Variants in HS6ST3 observed in about 807,000 individuals in gnomAD.
The protein encoded by HS6ST3 is heparan-sulfate 6-O-sulfotransferase 3.
Under a neutral mutation model 36.7 loss-of-function variants are expected in HS6ST3, and 12 were observed. The ratio of observed to expected loss-of-function variants is 0.33; its 90% CI spans 0.21 to 0.53. The LOEUF is 0.53. Ranked by LOEUF, HS6ST3 falls within the 20% of genes least tolerant of loss-of-function variation. The pLI is 0.95. For missense variants in HS6ST3, 584 were observed against 640.9 expected, an observed-to-expected ratio of 0.91 and a Z score of 0.96; for synonymous variants, 240 against 257.5, an observed-to-expected ratio of 0.93 and a Z score of 0.65.
At chr13:96,314,560 C>T (rs1474383968) in intron 1 of HS6ST3, among the ~76,000 whole-genome samples, 1 of 152,046 alleles carries the variant, frequency 6.6e-6, no homozygotes, top group Non-Finnish European at 1.5e-5. Context: ...ATAAAGCAGT[C>T]TATATGTCTT....
intron 1 of HS6ST3, among the ~76,000 whole-genome samples, chr13:96,770,881 A>G (rs189511111): frequency 2.0e-4 from 30 of 152,286 alleles, no homozygotes; most frequent in African/African-American, 7.0e-4. Flanking sequence ...TCACCGTTGT[A>G]AGGTAGTTAG....
At chr13:96,549,840 C>T (rs2056212682) in intron 1 of HS6ST3, among the ~76,000 whole-genome samples, 1 of 151,994 alleles carries the variant, frequency 6.6e-6, no homozygotes, top group Non-Finnish European at 1.5e-5. Context: ...ACCCGAGACA[C>T]CTTCTTATTC....
intron 1 of HS6ST3, among the ~76,000 whole-genome samples, chr13:96,503,574 G>T (rs944935839): frequency 6.6e-6 from 1 of 152,120 alleles, no homozygotes; most frequent in Non-Finnish European, 1.5e-5. Context: ...AACACTGGAA[G>T]GTATTCCAGC....
chr13:96,093,189 A>G (rs990641269), intron 1 of HS6ST3, among the ~76,000 whole-genome samples: 1 of 152,110 alleles, frequency 6.6e-6, no homozygotes, highest in Admixed American at 6.5e-5. Flanking sequence ...ATTGATTATC[A>G]CATAGAAATG....
intron 1 of HS6ST3, among the ~76,000 whole-genome samples, chr13:96,811,439 C>G (rs550181152): frequency 2.0e-5 from 3 of 151,984 alleles, no homozygotes; most frequent in Non-Finnish European, 4.4e-5. Flanking sequence ...GTCTTGAGCT[C>G]TATGTAAATA....
chr13:96,749,065 C>T (rs1008832827), intron 1 of HS6ST3, among the ~76,000 whole-genome samples: 2 of 152,098 alleles, frequency 1.3e-5, no homozygotes, highest in Non-Finnish European at 2.9e-5. Context: ...TCTCACAAAA[C>T]TAAAATTAAC....
At chr13:96,188,634 T>C (rs1225012804) in intron 1 of HS6ST3, among the ~76,000 whole-genome samples, 1 of 152,230 alleles carries the variant, frequency 6.6e-6, no homozygotes, top group African/African-American at 2.4e-5. Context: ...TGGATGGTGC[T>C]TGGCATGTGA....
At chr13:96,799,303 C>A (rs1877984599) in intron 1 of HS6ST3, among the ~76,000 whole-genome samples, 1 of 152,098 alleles carries the variant, frequency 6.6e-6, no homozygotes, top group African/African-American at 2.4e-5. Context: ...GATTGCCATT[C>A]TAACTGGTGT....
intron 1 of HS6ST3, among the ~76,000 whole-genome samples, chr13:96,305,133 A>G (rs2054905999): frequency 6.6e-6 from 1 of 152,162 alleles, no homozygotes; most frequent in Non-Finnish European, 1.5e-5. Flanking sequence ...TAGCCATTGT[A>G]TACATGGATC....
intron 1 of HS6ST3, among the ~76,000 whole-genome samples, chr13:96,124,662 G>A (rs2053941849): frequency 6.6e-6 from 1 of 152,108 alleles, no homozygotes; most frequent in Admixed American, 6.5e-5. Context: ...CATGCTGAGG[G>A]CATAACCAGG....
At chr13:96,356,342 G>A (rs56690264) in intron 1 of HS6ST3, among the ~76,000 whole-genome samples, 1 of 152,116 alleles carries the variant, frequency 6.6e-6, no homozygotes, top group African/African-American at 2.4e-5. Flanking sequence ...AAATTACTTT[G>A]TCCAGATTCA....
At chr13:96,375,291 TTTTC>T (rs147066961) in intron 1 of HS6ST3, among the ~76,000 whole-genome samples, 64,393 of 151,678 alleles carry the variant, frequency 0.42, 14,874 homozygotes, top group Non-Finnish European at 0.54. Flanking sequence ...ACTCTGAATA[TTTTC>T]TTTATAGCCT....
intron 1 of HS6ST3, among the ~76,000 whole-genome samples, chr13:96,204,637 AAC>A (rs2054360558): frequency 1.3e-5 from 2 of 152,222 alleles, no homozygotes; most frequent in Admixed American, 1.3e-4. Context: ...CTGAAATTAC[AAC>A]AGTCTCTCAG....
intron 1 of HS6ST3, among the ~76,000 whole-genome samples, chr13:96,655,572 T>G (rs1283105296): frequency 6.6e-6 from 1 of 152,152 alleles, no homozygotes; most frequent in Non-Finnish European, 1.5e-5. Flanking sequence ...TATAAGATTT[T>G]TTTGAAGCCT....
intron 1 of HS6ST3, among the ~76,000 whole-genome samples, chr13:96,374,817 A>G (rs770855437): frequency 1.3e-5 from 2 of 152,098 alleles, no homozygotes; most frequent in Non-Finnish European, 2.9e-5. Flanking sequence ...GGTACAGTAG[A>G]TAATCTGTAT....
At chr13:96,188,331 CA>C (rs2054273986) in intron 1 of HS6ST3, among the ~76,000 whole-genome samples, 1 of 152,036 alleles carries the variant, frequency 6.6e-6, no homozygotes. Context: ...GTTTCAAAAT[CA>C]GGCTGGGCAT....
chr13:96,503,914 G>A (rs1286302932), intron 1 of HS6ST3, among the ~76,000 whole-genome samples: 1 of 152,106 alleles, frequency 6.6e-6, no homozygotes, highest in Non-Finnish European at 1.5e-5. Flanking sequence ...GTCCCATGAG[G>A]GGTTCTCTTC....
At chr13:96,676,076 C>T (rs1261073182) in intron 1 of HS6ST3, among the ~76,000 whole-genome samples, 1 of 152,164 alleles carries the variant, frequency 6.6e-6, no homozygotes, top group Non-Finnish European at 1.5e-5. Context: ...CTTCTTGGAA[C>T]AGGGTCCCTG....
At chr13:96,350,720 A>C (rs1594760071) in intron 1 of HS6ST3, among the ~76,000 whole-genome samples, 1 of 152,204 alleles carries the variant, frequency 6.6e-6, no homozygotes, top group East Asian at 1.9e-4. Context: ...ATAATAACGA[A>C]ATTGAAAATC....
Sources: gnomAD v4.1 joint callset for allele counts (sites outside exome capture counted in the v4.1 genomes callset) on GRCh38, gnomAD v4.1.1 for gene constraint, MANE v1.5 for transcripts, NCBI Gene and HGNC (gene_info 2026-07-23, HGNC 2026-07-21) for gene names.